The following RIMKLB variants were observed in gnomAD, a reference collection of about 807,000 sequenced individuals.
The protein encoded by RIMKLB is ribosomal modification protein rimK like family member B.
A neutral mutation model predicts 32.0 loss-of-function variants in RIMKLB; 7 were observed. The ratio of observed to expected loss-of-function variants is 0.22; its 90% CI spans 0.12 to 0.41. The LOEUF is 0.41. RIMKLB is among the 10% of genes least tolerant of loss of function. The pLI is 1.00. For synonymous variants in RIMKLB, 172 were observed against 185.1 expected (o/e 0.93, Z 0.57); for missense variants, 289 against 498.7 (o/e 0.58, Z 4.00).
chr12:8,732,754 T>TACACACACACACACACAC (rs796544776), intron 2 of RIMKLB, among the ~76,000 whole-genome samples: 18 of 144,808 alleles, frequency 1.2e-4, no homozygotes, highest in African/African-American at 4.0e-4. Context: ...ATTATATATA[T>TACACACACACACACACAC]ATACACACAC....
rs60066068 is a variant in RIMKLB, at chr12:8,743,354, CAAAAA to C, written c.176-6489_176-6485del. On this transcript the variant is annotated intron_variant, in intron 2 of 5. Coordinates refer to ENST00000535829, the MANE Select transcript of RIMKLB (RefSeq NM_001297776.2). The stretch of plus-strand genomic sequence containing the variant: ...GGGTGACAGAGCCAAGAGTCTGTCT[CAAAAA>C]AAAAAAAAAAAAAAAAAATTCCGGA... Among the ~76,000 whole-genome samples, 66 of 65,184 alleles carry C rather than the reference CAAAAA, an allele frequency of 1.0e-3. 3 individuals carry two copies. The South Asian group carries it at 0.036, about 35-fold the overall frequency. 42.8% of individuals were successfully genotyped at this position (65,184 alleles called of 152,430 possible).
chr12:8,705,830 A>G lies in RIMKLB; in HGVS notation c.-57+7533A>G, dbSNP rs149715737. ...GGGGAGACCAGCAGACTGGCAACTC[A>G]GGTAGCATTTCTGTGAGTCTGTCTA... On this transcript the variant is annotated intron_variant, in intron 1 of 5. Coordinates refer to ENST00000535829, the MANE Select transcript of RIMKLB (RefSeq NM_001297776.2). Among the ~76,000 whole-genome samples the G allele has an allele frequency of 2.3e-3, 356 of 152,318 alleles. 4 individuals carry two copies. The highest frequency in any genetic ancestry group is 8.3e-3 in the African/African-American group (345 of 41,564).
At chr12:8,744,656 T>C (rs2137587820) in intron 2 of RIMKLB, among the ~76,000 whole-genome samples, 1 of 151,794 alleles carries the variant, frequency 6.6e-6, no homozygotes, top group South Asian at 2.1e-4. Context: ...TTGCTAGTTT[T>C]TTAAACTTTA....
chr12:8,693,371 G>A (rs1402434963), upstream of RIMKLB, among the ~76,000 whole-genome samples: 1 of 150,994 alleles, frequency 6.6e-6, no homozygotes, highest in African/African-American at 2.4e-5. Flanking sequence ...GCTTTGTACT[G>A]CAATTTGTTT....
At chr12:8,778,742 A>C (rs933216163), downstream of RIMKLB, among the ~76,000 whole-genome samples, 5 of 152,172 alleles carry the variant, frequency 3.3e-5, no homozygotes, top group Admixed American at 3.3e-4. Context: ...TCATCTTTCT[A>C]ATAGGTAGAA....
downstream of RIMKLB, among the ~76,000 whole-genome samples, chr12:8,781,231 C>T (rs779481468): frequency 5.3e-5 from 8 of 152,202 alleles, no homozygotes; most frequent in Middle Eastern, 3.4e-3. Context: ...ATCCCAGCTA[C>T]GCGGGAGGCT....
At position 8,738,470 on chromosome 12, in the gene RIMKLB, A is replaced by G. The variant is rs763696815; in HGVS notation, c.176-11392A>G. Among the ~76,000 whole-genome samples the G allele has an allele frequency of 2.0e-4, 30 of 152,344 alleles. No homozygotes were observed. In the South Asian group the frequency reaches 6.0e-3, roughly 31 times the overall value. ...TTCTTAGAACTCATTTTGAAAATGC[A>G]GTAACCAAGGCCTGAAGTAATGACC... On this transcript the variant is annotated intron_variant, in intron 2 of 5. Coordinates refer to ENST00000535829, the MANE Select transcript of RIMKLB (RefSeq NM_001297776.2).
At chr12:8,706,135 CTTTGT>C (rs1475749967) in intron 1 of RIMKLB, among the ~76,000 whole-genome samples, 1 of 151,900 alleles carries the variant, frequency 6.6e-6, no homozygotes. Flanking sequence ...AAAATACATT[CTTTGT>C]TTTGTTTTTT....
At chr12:8,724,995 A>G (rs781112365) in intron 2 of RIMKLB, among the ~76,000 whole-genome samples, 33 of 152,334 alleles carry the variant, frequency 2.2e-4, no homozygotes, top group African/African-American at 7.9e-4. Context: ...ACACCCAGGT[A>G]CTATAATTTC....
chr12:8,733,501 T>C (rs1316363095), intron 2 of RIMKLB, among the ~76,000 whole-genome samples: 2 of 152,248 alleles, frequency 1.3e-5, no homozygotes, highest in Non-Finnish European at 1.5e-5. Context: ...AAACATGAAA[T>C]TGCTTTAAGT....
intron 5 of RIMKLB, among the ~76,000 whole-genome samples, chr12:8,754,626 A>C (rs1172756015): frequency 6.6e-6 from 1 of 152,098 alleles, no homozygotes; most frequent in Admixed American, 6.6e-5. Flanking sequence ...TTGTATGTTT[A>C]TTATTTCCAA....
At chr12:8,697,465 G>A (rs1354126121), upstream of RIMKLB, 1 of 152,748 alleles carries the variant, frequency 6.5e-6, no homozygotes, top group East Asian at 1.9e-4. Flanking sequence ...TGCGCCCGAG[G>A]GGGTAGGGGG....
intron 2 of RIMKLB, among the ~76,000 whole-genome samples, chr12:8,720,817 G>C (rs948169497): frequency 1.3e-5 from 2 of 152,138 alleles, no homozygotes; most frequent in African/African-American, 4.8e-5. Context: ...TGGGATTACA[G>C]GCATGAGCCA....
intron 1 of RIMKLB, among the ~76,000 whole-genome samples, chr12:8,708,705 T>C (rs981075635): frequency 6.6e-6 from 1 of 152,204 alleles, no homozygotes; most frequent in African/African-American, 2.4e-5. Context: ...TAGAAAAAAT[T>C]TAGGAAATCT....
chr12:8,721,424 T>G (rs902686483), intron 2 of RIMKLB, among the ~76,000 whole-genome samples: 2 of 152,242 alleles, frequency 1.3e-5, no homozygotes, highest in Non-Finnish European at 2.9e-5. Context: ...TATGTAATAT[T>G]CTAAATCTTT....
Position 8,775,158 on chromosome 12 carries a change from A to G in RIMKLB, c.*1374A>G, listed in dbSNP as rs1950659869. ...CAGTGTACAGTTTATTCAAGGCTAC[A>G]TGCTTTTCTTTAATGCTTCTGGCTA... On this transcript the variant is annotated 3_prime_UTR_variant, in exon 6 of 6. Coordinates refer to ENST00000535829, the MANE Select transcript of RIMKLB (RefSeq NM_001297776.2). The G allele has an allele frequency of 2.0e-6, 2 of 985,312 alleles. No homozygotes were observed. Among genetic ancestry groups the G allele is most frequent in the South Asian group, 4.7e-5 (1 of 21,272 alleles). The allele number at this position is 985,312 out of a possible 1,614,324, so 61.0% of individuals were successfully genotyped here. A position where few individuals can be genotyped will look rare whatever the true frequency, so the allele number is the denominator to read the frequency against.
chr12:8,753,671 C>T lies in RIMKLB; in HGVS notation c.494-219C>T, dbSNP rs1948795654. Among the ~76,000 whole-genome samples, 4 of 152,152 alleles carry T rather than the reference C, an allele frequency of 2.6e-5. No individual in the cohort carries two copies. The South Asian group carries it at 8.3e-4, about 32-fold the overall frequency. On this transcript the variant is annotated intron_variant, in intron 4 of 5. Coordinates refer to ENST00000535829, the MANE Select transcript of RIMKLB (RefSeq NM_001297776.2). ...TATATCAAAATAAATTTTAGTTTGT[C>T]ATGAAAGAGTTTAGGGAGTAGTAAA... is the stretch of plus-strand genomic sequence containing the variant.
intron 5 of RIMKLB, among the ~76,000 whole-genome samples, chr12:8,764,762 C>A (rs1412904299): frequency 2.0e-5 from 3 of 152,032 alleles, no homozygotes; most frequent in African/African-American, 7.3e-5. Context: ...TCCAGTGATT[C>A]CCTTTACATA....
chr12:8,764,374 C>G (rs1949779616), intron 5 of RIMKLB, among the ~76,000 whole-genome samples: 1 of 152,138 alleles, frequency 6.6e-6, no homozygotes, highest in Admixed American at 6.5e-5. Context: ...ATGACCCTTG[C>G]TTTTGCTAGA....
Sources: allele counts gnomAD v4.1 joint callset (sites outside exome capture counted in the v4.1 genomes callset), GRCh38; gene constraint gnomAD v4.1.1; transcripts MANE v1.5; gene names NCBI Gene and HGNC (gene_info 2026-07-23, HGNC 2026-07-21).